The following PCSK5 variants were observed in gnomAD, a reference collection of about 807,000 sequenced individuals.
PCSK5 encodes the protein prohormone convertase 5.
A neutral mutation model predicts 233.2 loss-of-function variants in PCSK5; 129 were observed. That is an observed-to-expected ratio of 0.55 (90% CI 0.48 to 0.64). The LOEUF (loss-of-function observed/expected upper bound fraction) is 0.64. Among genes scored for constraint, PCSK5 ranks in the 30% least tolerant of loss-of-function variants. The pLI is 0.00. For missense variants in PCSK5, 2,076 were observed against 2,430.1 expected (o/e 0.85, Z 3.06); for synonymous variants, 825 against 879.2 (o/e 0.94, Z 1.09).
At chr9:76,318,486 A>G (rs919597430) in intron 30 of PCSK5, among the ~76,000 whole-genome samples, 19 of 152,146 alleles carry the variant, frequency 1.2e-4, no homozygotes, top group African/African-American at 4.6e-4. Flanking sequence ...AGAAAAAAGA[A>G]AAAAAAGAAA....
intron 10 of PCSK5, among the ~76,000 whole-genome samples, chr9:76,150,317 A>G (rs775050096): frequency 2.0e-5 from 3 of 152,114 alleles, no homozygotes; most frequent in Non-Finnish European, 2.9e-5. Context: ...CTGAGATTTT[A>G]GGAAGAGCAA....
At chr9:76,137,466 T>G (rs780776145) in intron 10 of PCSK5, among the ~76,000 whole-genome samples, 1 of 152,040 alleles carries the variant, frequency 6.6e-6, no homozygotes, top group Non-Finnish European at 1.5e-5. Context: ...GTTTCTTAAA[T>G]AATAATAACA....
intron 35 of PCSK5, among the ~76,000 whole-genome samples, chr9:76,345,185 ATTTTATTTTATTTTAT>A (rs1340592073): frequency 8.6e-6 from 1 of 116,848 alleles, no homozygotes; most frequent in East Asian, 3.0e-4. Context: ...TTATTTTATT[ATTTTATTTTATTTTAT>A]TTTATTTTAT....
At chr9:76,297,743 C>A (rs1387775231) in intron 27 of PCSK5, among the ~76,000 whole-genome samples, 2 of 152,160 alleles carry the variant, frequency 1.3e-5, no homozygotes, top group African/African-American at 4.8e-5. Flanking sequence ...AGGGTCACTT[C>A]GGTGCAAAGG....
At chr9:76,192,797 TCA>T (rs1224051614) in intron 20 of PCSK5, among the ~76,000 whole-genome samples, 2 of 152,222 alleles carry the variant, frequency 1.3e-5, no homozygotes, top group Non-Finnish European at 2.9e-5. Context: ...CAATATTGTG[TCA>T]CAGTTTAATA....
chr9:76,166,546 G>T (rs1823094237), intron 12 of PCSK5, among the ~76,000 whole-genome samples: 1 of 152,214 alleles, frequency 6.6e-6, no homozygotes, highest in Non-Finnish European at 1.5e-5. Flanking sequence ...GTTGGCTGAG[G>T]TTGTGGAAAC....
intron 6 of PCSK5, among the ~76,000 whole-genome samples, chr9:76,070,046 G>C (rs1402951812): frequency 7.0e-6 from 1 of 142,274 alleles, no homozygotes; most frequent in Non-Finnish European, 1.5e-5. Context: ...TGTCACCCAG[G>C]CTGGAGTGCA....
intron 1 of PCSK5, among the ~76,000 whole-genome samples, chr9:75,926,792 T>C (rs898388143): frequency 6.6e-6 from 1 of 152,244 alleles, no homozygotes; most frequent in African/African-American, 2.4e-5. Flanking sequence ...TTATATGCCG[T>C]ATGATCTTTA....
chr9:76,102,122 G>A (rs1488071555), intron 8 of PCSK5, among the ~76,000 whole-genome samples: 1 of 152,192 alleles, frequency 6.6e-6, no homozygotes, highest in Non-Finnish European at 1.5e-5. Flanking sequence ...GACTTGGGCT[G>A]GGTCACGAGG....
chr9:76,086,272 G>T (rs543560266), intron 7 of PCSK5, among the ~76,000 whole-genome samples: 1 of 152,152 alleles, frequency 6.6e-6, no homozygotes, highest in African/African-American at 2.4e-5. Flanking sequence ...GTAATTGATT[G>T]TGGTTATTTC....
intron 24 of PCSK5, among the ~76,000 whole-genome samples, chr9:76,259,858 A>G (rs1475380129): frequency 6.6e-6 from 1 of 151,998 alleles, no homozygotes; most frequent in African/African-American, 2.4e-5. Flanking sequence ...AACCCAGTCT[A>G]TGGGTCTCCC....
chr9:76,275,640 G>T (rs1211289199), intron 24 of PCSK5, among the ~76,000 whole-genome samples: 1 of 152,094 alleles, frequency 6.6e-6, no homozygotes, highest in Non-Finnish European at 1.5e-5. Context: ...GGCCAGGCTG[G>T]CCTCAAACTC....
chr9:75,966,130 C>T (rs1825574951), intron 2 of PCSK5, among the ~76,000 whole-genome samples: 1 of 152,118 alleles, frequency 6.6e-6, no homozygotes, highest in South Asian at 2.1e-4. Flanking sequence ...ACCGGTGTCT[C>T]TAGGAATCAC....
Position 76,239,182 on chromosome 9 carries a change from GC to G in PCSK5, c.3073+20del. 6.4e-7 allele frequency: 1 copy of G among 1,555,288 alleles called. No individual in the cohort carries two copies. The highest frequency in any genetic ancestry group is 8.7e-7 in the Non-Finnish European group (1 of 1,148,594). ...GTGGACAAGGTAAGCCTGCTCCTGG[GC>G]CCTTGCCCAGCACCCGAACATGGGA... On this transcript the variant is annotated intron_variant, in intron 23 of 37. Coordinates refer to ENST00000674117, the MANE Select transcript of PCSK5 (RefSeq NM_001372043.1).
intron 37 of PCSK5, 25 bp downstream of exon 37, chr9:76,354,244 G>T (rs762399765): frequency 1.3e-5 from 20 of 1,534,242 alleles, no homozygotes; most frequent in Non-Finnish European, 1.7e-5. Context: ...AGAGCAGCCT[G>T]CAGAGGAAGG....
chr9:76,082,099 G>C (rs528501613), intron 7 of PCSK5, among the ~76,000 whole-genome samples: 1 of 152,124 alleles, frequency 6.6e-6, no homozygotes, highest in South Asian at 2.1e-4. Context: ...TTCTTAGTAG[G>C]GCATATAGGT....
chr9:75,977,130 T>G (rs1563950279), intron 2 of PCSK5, among the ~76,000 whole-genome samples: 1 of 152,234 alleles, frequency 6.6e-6, no homozygotes. Flanking sequence ...TGTTTGTTTA[T>G]AACTGCTTTA....
rs185753650 is a variant in PCSK5 at position 75,905,687 on chromosome 9, C to G, written c.192+14314C>G. On this transcript the variant is annotated intron_variant, in intron 1 of 37. Transcript: ENST00000674117. ...AGCAGGAAGTAAGGGGCAGGTGAGC[C>G]GCTCCACTTCCTGTCAGATCAGTGG... 7.9e-5 allele frequency among the ~76,000 whole-genome samples: 12 copies of G among 152,272 alleles called. No homozygotes were observed. The South Asian group carries it at 1.7e-3, about 21-fold the overall frequency.
intron 20 of PCSK5, among the ~76,000 whole-genome samples, chr9:76,210,768 A>T (rs552201803): frequency 2.0e-5 from 3 of 152,326 alleles, no homozygotes; most frequent in African/African-American, 4.8e-5. Flanking sequence ...CCAGGAGACC[A>T]ATTAGGAAGA....
Sources: allele counts gnomAD v4.1 joint callset (sites outside exome capture counted in the v4.1 genomes callset), GRCh38; gene constraint gnomAD v4.1.1; transcripts MANE v1.5; gene names NCBI Gene and HGNC (gene_info 2026-07-23, HGNC 2026-07-21).